TUBB2A: variants seen among roughly 807,000 people sequenced by gnomAD.
The protein encoded by TUBB2A is tubulin beta 2A class IIa, also known as tubulin beta-2A chain.
TUBB2A carries 7 observed loss-of-function variants against 33.9 expected under a neutral mutation model. That is an observed-to-expected ratio of 0.21 (90% CI 0.12 to 0.39). TUBB2A has a LOEUF of 0.39. Among genes scored for constraint, TUBB2A ranks in the 10% least tolerant of loss-of-function variants. TUBB2A has a pLI of 1.00. For missense variants in TUBB2A, 80 were observed against 593.4 expected, an observed-to-expected ratio of 0.13 and a Z score of 8.99; for synonymous variants, 187 against 247.6, an observed-to-expected ratio of 0.76 and a Z score of 2.30.
rs1762607300 is a variant in TUBB2A, at chr6:3,154,996, G to A, written c.278-73C>T. 4 of 1,596,338 alleles carry A rather than the reference G, an allele frequency of 2.5e-6. No individual in the cohort carries two copies. The Admixed American group carries it at 7.0e-5, about 28-fold the overall frequency. ...AAAATCTGTCATTTTGACTATGGAG[G>A]AGAAGGTAGGACTGGTCTTAGACTG... On this transcript the variant is annotated intron_variant, in intron 3 of 3. Coordinates refer to ENST00000333628, the MANE Select transcript of TUBB2A (RefSeq NM_001069.3).
chr6:3,155,811 A>T lies in TUBB2A; in HGVS notation c.167-76T>A. Reference sequence around the variant, plus strand: ...GCAGCATTCAATTCCAGCATCTGAGACAAAAGGAGAACAGGAGATTTTCTG... The same window carrying T: ...GCAGCATTCAATTCCAGCATCTGAGTCAAAAGGAGAACAGGAGATTTTCTG... On this transcript the variant is annotated intron_variant, in intron 2 of 3. Transcript: ENST00000333628. The surrounding 1 kb of genome is among the most constrained non-coding windows in gnomAD (Gnocchi z 4.2). 7.1e-7 allele frequency: 1 copy of T among 1,399,536 alleles called. No individual in the cohort carries two copies. Among genetic ancestry groups the T allele is most frequent in the Non-Finnish European group, 9.9e-7 (1 of 1,007,568 alleles). The allele number at this position is 1,399,536 out of a possible 1,614,324, so 86.7% of individuals were successfully genotyped here. A position where few individuals can be genotyped will look rare whatever the true frequency, so the allele number is the denominator to read the frequency against.
Position 3,155,896 on chromosome 6 carries a change from G to A in TUBB2A, c.166+148C>T. On this transcript the variant is annotated intron_variant, in intron 2 of 3. Coordinates refer to ENST00000333628, the MANE Select transcript of TUBB2A (RefSeq NM_001069.3). This position sits in a 1 kb window ranked among gnomAD's most constrained non-coding sequence, Gnocchi z 4.2. ...CCGTGGCAAACAGGCAGGAATCTTA[G>A]GAAACCATAAAACATGTTTTTCCAG... 1.4e-6 allele frequency: 2 copies of A among 1,456,800 alleles called. No individual in the cohort carries two copies. The highest frequency in any genetic ancestry group is 1.8e-6 in the Non-Finnish European group (2 of 1,087,248). 90.2% of individuals were successfully genotyped at this position (1,456,800 alleles called of 1,614,324 possible).
At position 3,155,858 on chromosome 6, in the gene TUBB2A, T is replaced by C. The variant is rs533432616; in HGVS notation, c.167-123A>G. The C allele has an allele frequency of 1.7e-5, 23 of 1,340,728 alleles. No homozygotes were observed. In the East Asian group the frequency reaches 5.6e-4, roughly 33 times the overall value. 83.1% of individuals were successfully genotyped at this position (1,340,728 alleles called of 1,614,324 possible). ...TCTGCTTTTAAGAAAAAGGAGGTCC[T>C]GAGTGTGCTTAGCCGTGGCAAACAG... On this transcript the variant is annotated intron_variant, in intron 2 of 3. Transcript: ENST00000333628. This position sits in a 1 kb window ranked among gnomAD's most constrained non-coding sequence, Gnocchi z 4.2.
In TUBB2A at chr6:3,157,196, G is replaced by A. The variant is rs956818235; in HGVS notation, c.57+211C>T. ...TCCCGCAGAAGGGCTGTGTCCCAGG[G>A]AAATCGAAAGGCCCCCGATTAAACG... On this transcript the variant is annotated intron_variant, in intron 1 of 3. Coordinates refer to ENST00000333628, the MANE Select transcript of TUBB2A (RefSeq NM_001069.3). 2.0e-5 allele frequency among the ~76,000 whole-genome samples: 3 copies of A among 152,252 alleles called. No homozygotes were observed. The East Asian group carries it at 5.8e-4, about 29-fold the overall frequency.
rs1419406073 is a variant in TUBB2A, at chr6:3,154,280, G to A, written c.921C>T (p.His307=). The A allele has an allele frequency of 3.7e-6, 3 of 818,674 alleles. No homozygotes were observed. The highest frequency in any genetic ancestry group is 5.4e-6 in the Non-Finnish European group (3 of 556,116). The allele number at this position is 818,674 out of a possible 1,614,324, so 50.7% of individuals were successfully genotyped here. A position where few individuals can be genotyped will look rare whatever the true frequency, so the allele number is the denominator to read the frequency against. The part of the protein sequence containing the change: ...KNMMAACDPR[H]GRYLTVAAIF... ...TGGCAGCCACCGTCAGGTAGCGGCC[G>A]TGGCGCGGGTCGCAGGCGGCCATCA... is the stretch of plus-strand genomic sequence containing the variant. Residue 307 remains histidine (H), a synonymous_variant, in exon 4 of 4, where the codon CAC becomes CAT. Transcript: ENST00000333628.
At chr6:3,156,343 A>G (rs1490979871) in intron 1 of TUBB2A, among the ~76,000 whole-genome samples, 191 bp from the exon 2 acceptor site, 2 of 152,306 alleles carry the variant, frequency 1.3e-5, no homozygotes, top group East Asian at 1.9e-4. Flanking sequence ...AAATCCGCAG[A>G]GCATCGGCCA....
In TUBB2A at chr6:3,155,184, C is replaced by G; in HGVS notation, c.278-261G>C. The G allele has an allele frequency of 1.1e-6, 1 of 918,594 alleles. No individual in the cohort carries two copies. The highest frequency in any genetic ancestry group is 1.6e-6 in the Non-Finnish European group (1 of 631,084). The allele number at this position is 918,594 out of a possible 1,614,324, so 56.9% of individuals were successfully genotyped here. ...ATAGGGTTAGAAAACTTAATTGGTT[C>G]TGAAATACATACATTTTTAAGAGGC... On this transcript the variant is annotated intron_variant, in intron 3 of 3. Transcript: ENST00000333628. The surrounding 1 kb of genome is among the most constrained non-coding windows in gnomAD (Gnocchi z 4.2).
rs1762611289 is a variant in TUBB2A at position 3,155,164 on chromosome 6, G to A, written c.278-241C>T. On this transcript the variant is annotated intron_variant, in intron 3 of 3. Transcript: ENST00000333628. The surrounding 1 kb of genome is among the most constrained non-coding windows in gnomAD (Gnocchi z 4.2). ...GCTATTGATTGAGGAAGAGGATAGG[G>A]TTAGAAAACTTAATTGGTTCTGAAA... 4.4e-6 allele frequency: 5 copies of A among 1,127,740 alleles called. No individual in the cohort carries two copies. The highest frequency in any genetic ancestry group is 3.4e-5 in the South Asian group (2 of 59,590). The allele number at this position is 1,127,740 out of a possible 1,614,324, so 69.9% of individuals were successfully genotyped here. A position where few individuals can be genotyped will look rare whatever the true frequency, so the allele number is the denominator to read the frequency against.
In TUBB2A at chr6:3,154,481, C is replaced by A. The variant is rs759806976; in HGVS notation, c.720G>T (p.Leu240=). ...SATMSGVTTC[L]RFPGQLNADL... Reference sequence around the variant, plus strand: ...CTGCGTTCAGCTGGCCCGGGAAGCGCAGGCAGGTGGTGACCCCGCTCATGG... The same window carrying A: ...CTGCGTTCAGCTGGCCCGGGAAGCGAAGGCAGGTGGTGACCCCGCTCATGG... The change falls in exon 4 of 4, where the codon CTG becomes CTT. Residue 240 remains leucine (L), a synonymous_variant. Transcript: ENST00000333628. 7 of 1,600,102 alleles carry A rather than the reference C, an allele frequency of 4.4e-6. No homozygotes were observed. The highest frequency in any genetic ancestry group is 6.0e-6 in the Non-Finnish European group (7 of 1,174,914).
chr6:3,154,409 G>A lies in TUBB2A; in HGVS notation c.792C>T (p.His264=). Reference sequence around the variant, plus strand: ...GGGGCGCGAAGCCGGGCATGAAGAAGTGCAGGCGAGGGAAGGGCACCATGT... The same window carrying A: ...GGGGCGCGAAGCCGGGCATGAAGAAATGCAGGCGAGGGAAGGGCACCATGT... ...AVNMVPFPRL[H]FFMPGFAPLT... Residue 264 remains histidine (H), a synonymous_variant, in exon 4 of 4, where the codon CAC becomes CAT. Transcript: ENST00000333628. 5.2e-6 allele frequency: 8 copies of A among 1,527,672 alleles called. No individual in the cohort carries two copies. The highest frequency in any genetic ancestry group is 5.3e-6 in the Non-Finnish European group (6 of 1,136,538). The allele number at this position is 1,527,672 out of a possible 1,614,324, so 94.6% of individuals were successfully genotyped here.
Position 3,154,120 on chromosome 6 carries a change from G to A in TUBB2A, c.1081C>T (p.Leu361=), listed in dbSNP as rs1374574855. The part of the protein sequence containing the change: ...TAVCDIPPRG[L]KMSATFIGNS... Reference sequence around the variant, plus strand: ...CCGATGAAGGTGGCCGACATCTTCAGGCCGCGGGGCGGGATGTCGCACACG... The same window carrying A: ...CCGATGAAGGTGGCCGACATCTTCAAGCCGCGGGGCGGGATGTCGCACACG... The change falls in exon 4 of 4, where the codon CTG becomes TTG. Residue 361 remains leucine, a synonymous_variant. Coordinates refer to ENST00000333628, the MANE Select transcript of TUBB2A (RefSeq NM_001069.3). 2.4e-6 allele frequency: 3 copies of A among 1,235,194 alleles called. No homozygotes were observed. In the South Asian group the frequency reaches 4.1e-5, roughly 17 times the overall value. The allele number at this position is 1,235,194 out of a possible 1,614,324, so 76.5% of individuals were successfully genotyped here. A position where few individuals can be genotyped will look rare whatever the true frequency, so the allele number is the denominator to read the frequency against.
In TUBB2A at chr6:3,153,816, A is replaced by T; in HGVS notation, c.*47T>A. 1 of 1,609,626 alleles carries T rather than the reference A, an allele frequency of 6.2e-7. No individual in the cohort carries two copies. The highest frequency in any genetic ancestry group is 2.2e-5 in the East Asian group (1 of 44,778). ...TTTACAAGTAGAAAGACCATGCTTG[A>T]GGACAACAGAAGTTCACTAAGGATG... is the stretch of plus-strand genomic sequence containing the variant. On this transcript the variant is annotated 3_prime_UTR_variant, in exon 4 of 4. Transcript: ENST00000333628.
Position 3,153,752 on chromosome 6 carries a change from AGT to A in TUBB2A, c.*109_*110del. On this transcript the variant is annotated 3_prime_UTR_variant, in exon 4 of 4. Transcript: ENST00000333628. ...AGGAGTTCCACATCATTACATCAAC[AGT>A]GTGAATTTCTAACAGAGGCAAAACT... The A allele has an allele frequency of 2.7e-6, 4 of 1,491,982 alleles. No homozygotes were observed. The highest frequency in any genetic ancestry group is 1.9e-5 in the Admixed American group (1 of 52,652). The allele number at this position is 1,491,982 out of a possible 1,614,324, so 92.4% of individuals were successfully genotyped here. A position where few individuals can be genotyped will look rare whatever the true frequency, so the allele number is the denominator to read the frequency against.
In TUBB2A at chr6:3,157,539, A is replaced by G. The variant is rs2113787913; in HGVS notation, c.-76T>C. 7.3e-7 allele frequency: 1 copy of G among 1,378,070 alleles called. No homozygotes were observed. The highest frequency in any genetic ancestry group is 9.3e-7 in the Non-Finnish European group (1 of 1,070,738). The allele number at this position is 1,378,070 out of a possible 1,614,324, so 85.4% of individuals were successfully genotyped here. On this transcript the variant is annotated 5_prime_UTR_variant, in exon 1 of 4. Transcript: ENST00000333628. Reference sequence around the variant, plus strand: ...TGGACCGGCGGGCTGGGCTGCGCAGAGACCTGCCGCCGCCCCCCCAGCTCG... The same window carrying G: ...TGGACCGGCGGGCTGGGCTGCGCAGGGACCTGCCGCCGCCCCCCCAGCTCG...
rs928613193 is a variant in TUBB2A, at chr6:3,155,445, G to A, written c.277+180C>T. On this transcript the variant is annotated intron_variant, in intron 3 of 3. Coordinates refer to ENST00000333628, the MANE Select transcript of TUBB2A (RefSeq NM_001069.3). The surrounding 1 kb of genome is among the most constrained non-coding windows in gnomAD (Gnocchi z 4.2). ...AATGGGAGGGCTGCAGCAGCCCTCTGCAGGCTGGCGTTGATCTGTGAGCCA... is the reference window on the plus strand; with the variant it reads ...AATGGGAGGGCTGCAGCAGCCCTCTACAGGCTGGCGTTGATCTGTGAGCCA... Among the ~76,000 whole-genome samples, 7 of 152,216 alleles carry A rather than the reference G, an allele frequency of 4.6e-5. No homozygotes were observed. Among genetic ancestry groups the A allele is most frequent in the African/African-American group, 1.7e-4 (7 of 41,454 alleles).
chr6:3,155,100 G>T lies in TUBB2A; in HGVS notation c.278-177C>A, dbSNP rs562113084. ...TGTCAGTGACCTCAAAAACACTGGG[G>T]ATCATAATAAAGTAAGAAGTAAGTT... On this transcript the variant is annotated intron_variant, in intron 3 of 3. Coordinates refer to ENST00000333628, the MANE Select transcript of TUBB2A (RefSeq NM_001069.3). This position sits in a 1 kb window ranked among gnomAD's most constrained non-coding sequence, Gnocchi z 4.2. 8 of 1,450,274 alleles carry T rather than the reference G, an allele frequency of 5.5e-6. No homozygotes were observed. Among genetic ancestry groups the T allele is most frequent in the African/African-American group, 1.4e-5 (1 of 70,136 alleles). 89.8% of individuals were successfully genotyped at this position (1,450,274 alleles called of 1,614,324 possible). A position where few individuals can be genotyped will look rare whatever the true frequency, so the allele number is the denominator to read the frequency against.
In TUBB2A at chr6:3,154,334, G is replaced by A. The variant is rs1295135763; in HGVS notation, c.867C>T (p.Leu289=). ...QQYRALTVPE[L]TQQMFDSKNM... ...TCTTGGAGTCGAACATCTGCTGGGT[G>A]AGCTCGGGCACCGTGAGCGCCCGGT... Residue 289 remains leucine, a synonymous_variant, in exon 4 of 4, where the codon CTC becomes CTT. Coordinates refer to ENST00000333628, the MANE Select transcript of TUBB2A (RefSeq NM_001069.3). 1.9e-6 allele frequency: 2 copies of A among 1,069,954 alleles called. No homozygotes were observed. Among genetic ancestry groups the A allele is most frequent in the Admixed American group, 2.4e-5 (1 of 42,196 alleles). 66.3% of individuals were successfully genotyped at this position (1,069,954 alleles called of 1,614,324 possible). A position where few individuals can be genotyped will look rare whatever the true frequency, so the allele number is the denominator to read the frequency against.
chr6:3,157,339 G>GC (rs1762654598), intron 1 of TUBB2A, 68 bp downstream of exon 1: 15 of 1,336,240 alleles, frequency 1.1e-5, no homozygotes, highest in Non-Finnish European at 1.3e-5. Flanking sequence ...GCGGCCTCCA[G>GC]CCCCCGCCCC....
In TUBB2A at chr6:3,155,278, C is replaced by T. The variant is rs1762613249; in HGVS notation, c.277+347G>A. Among the ~76,000 whole-genome samples, 1 of 152,220 alleles carries T rather than the reference C, an allele frequency of 6.6e-6. No individual in the cohort carries two copies. Among genetic ancestry groups the T allele is most frequent in the Non-Finnish European group, 1.5e-5 (1 of 68,028 alleles). On this transcript the variant is annotated intron_variant, in intron 3 of 3. Coordinates refer to ENST00000333628, the MANE Select transcript of TUBB2A (RefSeq NM_001069.3). The surrounding 1 kb of genome is among the most constrained non-coding windows in gnomAD (Gnocchi z 4.2). ...CAGTGTGACCAGCAGAGAAGGTGGC[C>T]TCAGCATCTGTCTAGCTCTGGTCAT...
Sources: gnomAD v4.1 joint callset for allele counts (sites outside exome capture counted in the v4.1 genomes callset) on GRCh38, gnomAD v4.1.1 for gene constraint, Gnocchi (gnomAD v3.1) non-coding constraint, MANE v1.5 for transcripts, NCBI Gene and HGNC (gene_info 2026-07-23, HGNC 2026-07-21) for gene names.